The following CDH13 variants were observed in gnomAD, a reference collection of about 807,000 sequenced individuals.
The protein encoded by CDH13 is cadherin-13.
CDH13 carries 24 observed loss-of-function variants against 63.8 expected under a neutral mutation model. That is an observed-to-expected ratio of 0.38 (90% CI 0.27 to 0.53). The LOEUF (loss-of-function observed/expected upper bound fraction) is 0.53. Ranked by LOEUF, CDH13 falls within the 20% of genes least tolerant of loss-of-function variation. The pLI, the probability that CDH13 is intolerant of heterozygous loss-of-function variation, is 0.85. For missense variants in CDH13, 1,049 were observed against 903.1 expected, an observed-to-expected ratio of 1.16 and a Z score of -2.07; for synonymous variants, 503 against 355.3, an observed-to-expected ratio of 1.42 and a Z score of -4.67.
At chr16:83,236,807 G>C in intron 5 of CDH13, among the ~76,000 whole-genome samples, 1 of 152,128 alleles carries the variant, frequency 6.6e-6, no homozygotes, top group South Asian at 2.1e-4. Context: ...AGTTAGATGA[G>C]TGGCAGGGGT....
intron 2 of CDH13, among the ~76,000 whole-genome samples, chr16:82,914,895 G>A (rs764965263): frequency 2.6e-5 from 4 of 152,324 alleles, no homozygotes; most frequent in Non-Finnish European, 5.9e-5. Flanking sequence ...ACCAAACGGT[G>A]TCACCATGAG....
chr16:83,427,928 G>T (rs950440781), intron 6 of CDH13, among the ~76,000 whole-genome samples: 1 of 152,206 alleles, frequency 6.6e-6, no homozygotes, highest in African/African-American at 2.4e-5. Flanking sequence ...TGACAGCTTT[G>T]GCTGCTCCAT....
chr16:83,492,064 TA>T (rs1165311683), intron 7 of CDH13, among the ~76,000 whole-genome samples: 2 of 152,214 alleles, frequency 1.3e-5, no homozygotes, highest in African/African-American at 2.4e-5. Context: ...TTTGGATGTG[TA>T]GCTGCAAGCC....
intron 3 of CDH13, among the ~76,000 whole-genome samples, chr16:83,066,911 C>G (rs2032060578): frequency 6.6e-6 from 1 of 152,106 alleles, no homozygotes; most frequent in Non-Finnish European, 1.5e-5. Context: ...ACTAAGAAAG[C>G]CTAACTTTAC....
chr16:82,884,186 T>C (rs753141843), intron 2 of CDH13: 3 of 455,818 alleles, frequency 6.6e-6, no homozygotes, highest in East Asian at 1.4e-4. Flanking sequence ...ATAATACAGA[T>C]GTATTCTACT....
At chr16:83,488,440 A>G (rs2073942266) in intron 7 of CDH13, among the ~76,000 whole-genome samples, 1 of 152,200 alleles carries the variant, frequency 6.6e-6, no homozygotes, top group Non-Finnish European at 1.5e-5. Flanking sequence ...GAGAAACAGA[A>G]GCTAGAAATA....
intron 1 of CDH13, among the ~76,000 whole-genome samples, chr16:82,784,226 T>C (rs2151120741): frequency 6.6e-6 from 1 of 152,348 alleles, no homozygotes; most frequent in African/African-American, 2.4e-5. Flanking sequence ...TGGGTGACCC[T>C]GCCATTTTCA....
At chr16:82,876,195 C>G (rs1031499782) in intron 2 of CDH13, among the ~76,000 whole-genome samples, 3 of 152,186 alleles carry the variant, frequency 2.0e-5, no homozygotes, top group Admixed American at 6.5e-5. Flanking sequence ...GACAGCTAAA[C>G]CATATCATGT....
chr16:82,942,531 A>G (rs1904302341), intron 2 of CDH13, among the ~76,000 whole-genome samples: 1 of 152,146 alleles, frequency 6.6e-6, no homozygotes, highest in African/African-American at 2.4e-5. Context: ...TTCTGAGCGG[A>G]TGTGCCATTT....
At chr16:83,536,667 A>G (rs1050266856) in intron 7 of CDH13, among the ~76,000 whole-genome samples, 1 of 152,176 alleles carries the variant, frequency 6.6e-6, no homozygotes, top group African/African-American at 2.4e-5. Context: ...CTTTGGAAAG[A>G]TGATTCTGGT....
chr16:83,549,593 G>T (rs145396122), intron 7 of CDH13, among the ~76,000 whole-genome samples: 1 of 150,640 alleles, frequency 6.6e-6, no homozygotes, highest in Admixed American at 6.6e-5. Flanking sequence ...CCCCACTCCC[G>T]TAGCACTGGG....
intron 2 of CDH13, among the ~76,000 whole-genome samples, chr16:83,021,094 A>T (rs1400264532): frequency 2.0e-5 from 3 of 152,188 alleles, no homozygotes; most frequent in Non-Finnish European, 4.4e-5. Context: ...TAAATCCGAG[A>T]TTTGGTGATT....
intron 2 of CDH13, among the ~76,000 whole-genome samples, chr16:83,010,425 G>T (rs1185215532): frequency 6.6e-6 from 1 of 151,860 alleles, no homozygotes; most frequent in African/African-American, 2.4e-5. Flanking sequence ...GGGTTTTTTT[G>T]GCCCCTTTGC....
At position 82,888,949 on chromosome 16, in the gene CDH13, G is replaced by A. The variant is rs570109205; in HGVS notation, c.157+30476G>A. Reference sequence around the variant, plus strand: ...AGTTTGTTAATGTTTCATTGCTTGGGGTGTTTTAAGATCCTGTGCCTTTAA... The same window carrying A: ...AGTTTGTTAATGTTTCATTGCTTGGAGTGTTTTAAGATCCTGTGCCTTTAA... On this transcript the variant is annotated intron_variant, in intron 2 of 13. Transcript: ENST00000567109. Among the ~76,000 whole-genome samples the A allele has an allele frequency of 1.2e-4, 19 of 152,204 alleles. No homozygotes were observed. The South Asian group carries it at 3.5e-3, about 28-fold the overall frequency.
chr16:83,379,938 T>TATATATATATATATATATAG, intron 6 of CDH13, among the ~76,000 whole-genome samples: 7 of 123,460 alleles, frequency 5.7e-5, no homozygotes, highest in African/African-American at 9.8e-5. Flanking sequence ...TATATATATA[T>TATATATATATATATATATAG]AGAGAGAGAG....
At chr16:82,639,878 C>G (rs1298693331) in intron 1 of CDH13, among the ~76,000 whole-genome samples, 1 of 152,238 alleles carries the variant, frequency 6.6e-6, no homozygotes, top group Admixed American at 6.5e-5. Context: ...TTGACAGGGT[C>G]CTCACCACTG....
intron 5 of CDH13, among the ~76,000 whole-genome samples, chr16:83,250,554 T>C (rs1489303467): frequency 6.6e-6 from 1 of 152,118 alleles, no homozygotes; most frequent in African/African-American, 2.4e-5. Flanking sequence ...GAACCAGCCA[T>C]GCAGAGGTAT....
chr16:83,658,433 C>G (rs1490316530), intron 8 of CDH13, among the ~76,000 whole-genome samples: 31 of 139,130 alleles, frequency 2.2e-4, no homozygotes, highest in African/African-American at 9.0e-4. Flanking sequence ...TCCTCAGCAG[C>G]AAGGTCCCAT....
intron 2 of CDH13, among the ~76,000 whole-genome samples, chr16:82,859,993 C>G (rs151189879): frequency 9.9e-5 from 15 of 152,262 alleles, no homozygotes; most frequent in African/African-American, 3.6e-4. Flanking sequence ...GAGTGTGACT[C>G]CTGGGTCAGG....
Sources: gnomAD v4.1 joint callset for allele counts (sites outside exome capture counted in the v4.1 genomes callset) on GRCh38, gnomAD v4.1.1 for gene constraint, MANE v1.5 for transcripts, NCBI Gene and HGNC (gene_info 2026-07-23, HGNC 2026-07-21) for gene names.